The following ANO6 variants were observed in gnomAD, a reference collection of about 807,000 sequenced individuals.
ANO6 encodes anoctamin 6.
Under a neutral mutation model 117.5 loss-of-function variants are expected in ANO6, and 106 were observed. The observed-to-expected ratio is 0.90, with a 90% CI of 0.77 to 1.06. ANO6 has a LOEUF of 1.06. Ranked by LOEUF, ANO6 falls within the 50% of genes least tolerant of loss-of-function variation. The pLI is 0.00. For synonymous variants in ANO6, 367 were observed against 385.1 expected (o/e 0.95, Z 0.55); for missense variants, 955 against 1,121.1 (o/e 0.85, Z 2.12).
rs755895445 is a variant in ANO6, at chr12:45,268,525, T to TTAAA, written c.71-33472_71-33469dup. On this transcript the variant is annotated intron_variant, in intron 1 of 19. Coordinates refer to ENST00000320560, the MANE Select transcript of ANO6 (RefSeq NM_001025356.3). ...ACAGAGTGAGACCCTGTCTCAAAAATTAAATAAATAAATAAATAAAATACA... is the reference window on the plus strand; with the variant it reads ...ACAGAGTGAGACCCTGTCTCAAAAATTAAATAAATAAATAAATAAATAAAATACA... Among the ~76,000 whole-genome samples the TTAAA allele has an allele frequency of 1.4e-4, 22 of 151,874 alleles. No homozygotes were observed. The East Asian group carries it at 2.1e-3, about 15-fold the overall frequency.
Position 45,231,071 on chromosome 12 carries a change from C to T in ANO6, c.70+14680C>T, listed in dbSNP as rs146484438. Among the ~76,000 whole-genome samples the T allele has an allele frequency of 2.4e-3, 367 of 152,148 alleles. 1 individual carries two copies. The highest frequency in any genetic ancestry group is 6.8e-3 in the Middle Eastern group (2 of 294). Reference sequence around the variant, plus strand: ...GCAGTGAACCAATATCACACCACTGCGCTCCAGCCTGGGCCACAAAACAAG... The same window carrying T: ...GCAGTGAACCAATATCACACCACTGTGCTCCAGCCTGGGCCACAAAACAAG... On this transcript the variant is annotated intron_variant, in intron 1 of 19. Coordinates refer to ENST00000320560, the MANE Select transcript of ANO6 (RefSeq NM_001025356.3).
At chr12:45,226,349 A>G (rs541018971) in intron 1 of ANO6, among the ~76,000 whole-genome samples, 1 of 152,254 alleles carries the variant, frequency 6.6e-6, no homozygotes, top group African/African-American at 2.4e-5. Flanking sequence ...TGTTGCTTTT[A>G]TATCTAATGC....
intron 9 of ANO6, among the ~76,000 whole-genome samples, chr12:45,375,054 CCAA>C (rs1463410636): frequency 6.6e-6 from 1 of 151,832 alleles, no homozygotes; most frequent in Admixed American, 6.6e-5. Flanking sequence ...TTCTTATACA[CCAA>C]CAACATACAA....
intron 1 of ANO6, among the ~76,000 whole-genome samples, chr12:45,294,003 C>T (rs566306832): frequency 6.6e-6 from 1 of 152,158 alleles, no homozygotes; most frequent in Non-Finnish European, 1.5e-5. Context: ...AGGCAAGTAA[C>T]TTAACCTGGC....
intron 1 of ANO6, among the ~76,000 whole-genome samples, chr12:45,288,632 A>G (rs539410581): frequency 6.6e-6 from 1 of 152,368 alleles, no homozygotes; most frequent in South Asian, 2.1e-4. Context: ...TTCATCAGTC[A>G]GTGGACACTT....
chr12:45,435,156 T>G (rs906019854), downstream of ANO6, among the ~76,000 whole-genome samples: 1 of 152,222 alleles, frequency 6.6e-6, no homozygotes, highest in Non-Finnish European at 1.5e-5. Context: ...TCCTCAGAGC[T>G]TTTTCCCTGG....
intron 1 of ANO6, among the ~76,000 whole-genome samples, chr12:45,278,346 A>G (rs1177329770): frequency 1.3e-5 from 2 of 152,138 alleles, no homozygotes; most frequent in African/African-American, 4.8e-5. Context: ...ATCCTTTTCA[A>G]TTTGGGGAAA....
At chr12:45,323,270 C>G (rs1221843305) in intron 2 of ANO6, among the ~76,000 whole-genome samples, 1 of 152,210 alleles carries the variant, frequency 6.6e-6, no homozygotes, top group African/African-American at 2.4e-5. Context: ...AACCAAAGCA[C>G]TACTCCTTAA....
intron 15 of ANO6, among the ~76,000 whole-genome samples, chr12:45,404,457 T>C (rs1160017570): frequency 6.6e-6 from 1 of 152,188 alleles, no homozygotes; most frequent in Non-Finnish European, 1.5e-5. Context: ...TAATATTTTA[T>C]GGTCCCGGGG....
At chr12:45,269,642 A>C (rs1285476586) in intron 1 of ANO6, among the ~76,000 whole-genome samples, 1 of 152,202 alleles carries the variant, frequency 6.6e-6, no homozygotes, top group African/African-American at 2.4e-5. Context: ...CAACCATGCA[A>C]ATCAATTTCT....
chr12:45,367,628 T>A, intron 8 of ANO6, 60 bp from the exon 9 acceptor site: 4 of 1,368,224 alleles, frequency 2.9e-6, no homozygotes, highest in Non-Finnish European at 4.1e-6. Context: ...TGAATGGATA[T>A]TAGATTTTAT....
At chr12:45,281,636 C>A (rs927687602) in intron 1 of ANO6, among the ~76,000 whole-genome samples, 2 of 152,218 alleles carry the variant, frequency 1.3e-5, no homozygotes, top group African/African-American at 4.8e-5. Flanking sequence ...ATTCATGAGA[C>A]ATCTACCCCC....
chr12:45,278,867 CTGTT>C (rs1388580434), intron 1 of ANO6, among the ~76,000 whole-genome samples: 2 of 152,162 alleles, frequency 1.3e-5, no homozygotes, highest in African/African-American at 2.4e-5. Context: ...ACCTGTTTGG[CTGTT>C]TGTTTAGGAA....
At chr12:45,366,963 A>G (rs1029592071) in intron 8 of ANO6, among the ~76,000 whole-genome samples, 1 of 152,000 alleles carries the variant, frequency 6.6e-6, no homozygotes, top group Non-Finnish European at 1.5e-5. Flanking sequence ...AGCCAACTTT[A>G]CTGAACTTAT....
chr12:45,353,914 A>C (rs1941345671), intron 7 of ANO6, among the ~76,000 whole-genome samples: 1 of 152,230 alleles, frequency 6.6e-6, no homozygotes, highest in African/African-American at 2.4e-5. Context: ...CATTAGAAAA[A>C]TGAAGTTGAA....
intron 1 of ANO6, among the ~76,000 whole-genome samples, chr12:45,290,287 A>G (rs932812582): frequency 1.3e-5 from 2 of 148,392 alleles, no homozygotes; most frequent in Non-Finnish European, 3.0e-5. Flanking sequence ...TTTCATTTTT[A>G]TGTTCTCATT....
At chr12:45,226,198 A>G (rs1947480312) in intron 1 of ANO6, among the ~76,000 whole-genome samples, 1 of 152,234 alleles carries the variant, frequency 6.6e-6, no homozygotes, top group African/African-American at 2.4e-5. Flanking sequence ...TTGAAGGGTT[A>G]ATAGGCAACT....
At chr12:45,304,395 G>C (rs919893902) in intron 2 of ANO6, among the ~76,000 whole-genome samples, 2 of 152,200 alleles carry the variant, frequency 1.3e-5, no homozygotes, top group African/African-American at 4.8e-5. Flanking sequence ...TCAGAAATGA[G>C]TGTCACAGTA....
In ANO6 at chr12:45,364,842, G is replaced by A. The variant is rs553284796; in HGVS notation, c.999-2846G>A. 7.9e-5 allele frequency among the ~76,000 whole-genome samples: 12 copies of A among 152,230 alleles called. No individual in the cohort carries two copies. The East Asian group carries it at 2.1e-3, about 27-fold the overall frequency. ...TAGGACCATAGTTTTCCATTTCTTG[G>A]TGTATCTTGTAATTTTACATTGAGA... is the stretch of plus-strand genomic sequence containing the variant. On this transcript the variant is annotated intron_variant, in intron 8 of 19. Coordinates refer to ENST00000320560, the MANE Select transcript of ANO6 (RefSeq NM_001025356.3).
Sources: gnomAD v4.1 joint callset for allele counts (sites outside exome capture counted in the v4.1 genomes callset) on GRCh38, gnomAD v4.1.1 for gene constraint, MANE v1.5 for transcripts, NCBI Gene and HGNC (gene_info 2026-07-23, HGNC 2026-07-21) for gene names.